The following CYP3A43 variants were observed in gnomAD, a reference collection of about 807,000 sequenced individuals.
CYP3A43 encodes cytochrome P450 3A43.
CYP3A43 carries 45 observed loss-of-function variants against 58.0 expected under a neutral mutation model. That is an observed-to-expected ratio of 0.78 (90% CI 0.61 to 0.99). The LOEUF (loss-of-function observed/expected upper bound fraction) is 0.99. Among genes scored for constraint, CYP3A43 ranks in the 50% least tolerant of loss-of-function variants. The pLI is 0.00. For synonymous variants in CYP3A43, 191 were observed against 201.4 expected, an observed-to-expected ratio of 0.95 and a Z score of 0.44; for missense variants, 593 against 591.9, an observed-to-expected ratio of 1.00 and a Z score of -0.02.
rs1000296903 is a variant in CYP3A43 at position 99,856,722 on chromosome 7, T to C, written c.799-111T>C. ...ACTCAGGCAACACCCATTACACTTC[T>C]GAACTTAAAGAGAGCATATTCTCAG... On this transcript the variant is annotated intron_variant, in intron 8 of 12. Coordinates refer to ENST00000354829, the MANE Select transcript of CYP3A43 (RefSeq NM_057095.3). The C allele has an allele frequency of 1.5e-5, 17 of 1,114,600 alleles. No individual in the cohort carries two copies. The South Asian group carries it at 2.0e-4, about 13-fold the overall frequency. The allele number at this position is 1,114,600 out of a possible 1,614,324, so 69.0% of individuals were successfully genotyped here.
At chr7:99,842,841 G>T (rs149968678) in intron 3 of CYP3A43, among the ~76,000 whole-genome samples, 1 of 152,170 alleles carries the variant, frequency 6.6e-6, no homozygotes, top group South Asian at 2.1e-4. Context: ...TCACAAGGAC[G>T]TTCCTTATGA....
intron 9 of CYP3A43, 45 bp downstream of exon 9, chr7:99,856,944 A>G: frequency 3.8e-6 from 6 of 1,580,324 alleles, no homozygotes; most frequent in Non-Finnish European, 5.2e-6. Context: ...GGACACTCAG[A>G]GAGAAGGCCC....
intron 1 of CYP3A43, among the ~76,000 whole-genome samples, chr7:99,830,175 T>TA (rs1313245309): frequency 6.6e-5 from 10 of 151,878 alleles, no homozygotes; most frequent in South Asian, 4.2e-4. Flanking sequence ...AAGATCCTCC[T>TA]AAAAAAAAGC....
At chr7:99,846,832 T>C (rs1181246713) in intron 4 of CYP3A43, among the ~76,000 whole-genome samples, 2 of 152,214 alleles carry the variant, frequency 1.3e-5, no homozygotes, top group Admixed American at 1.3e-4. Context: ...AAAATACAGT[T>C]TTGAAAGATG....
intron 1 of CYP3A43, among the ~76,000 whole-genome samples, chr7:99,832,664 C>T (rs956978514): frequency 1.3e-5 from 2 of 151,362 alleles, no homozygotes; most frequent in Admixed American, 6.6e-5. Flanking sequence ...ACGTTGTGCA[C>T]ATGTACCCTA....
chr7:99,837,504 G>T (rs1383127434), intron 2 of CYP3A43, among the ~76,000 whole-genome samples: 4 of 152,166 alleles, frequency 2.6e-5, no homozygotes, highest in African/African-American at 9.7e-5. Context: ...TTGAGAGGAA[G>T]AACAAGAAGG....
At chr7:99,829,520 G>A (rs1816756009) in intron 1 of CYP3A43, among the ~76,000 whole-genome samples, 1 of 152,172 alleles carries the variant, frequency 6.6e-6, no homozygotes, top group Admixed American at 6.5e-5. Flanking sequence ...CAGAGAAATT[G>A]CAACAACTTA....
At position 99,855,706 on chromosome 7, in the gene CYP3A43, A is replaced by G. The variant is rs1334045499; in HGVS notation, c.786A>G (p.Lys262=). The G allele has an allele frequency of 8.1e-6, 13 of 1,608,228 alleles. No individual in the cohort carries two copies. The highest frequency in any genetic ancestry group is 1.0e-5 in the Non-Finnish European group (12 of 1,177,766). The stretch of plus-strand genomic sequence containing the variant: ...AAAGGATGAAAGAAAGTCGCCTCAA[A>G]GATAAACAAAAGGTAAAATCTGGTG... The part of the protein sequence containing the change: ...SIERMKESRL[K]DKQKHRVDFF... Residue 262 remains lysine (K), a synonymous_variant, in exon 8 of 13, where the codon AAA becomes AAG. Coordinates refer to ENST00000354829, the MANE Select transcript of CYP3A43 (RefSeq NM_057095.3).
At chr7:99,858,769 T>C (rs1341281658) in intron 9 of CYP3A43, among the ~76,000 whole-genome samples, 1 of 151,864 alleles carries the variant, frequency 6.6e-6, no homozygotes, top group Admixed American at 6.6e-5. Flanking sequence ...CTTGGCTCAC[T>C]GCAACCTCTG....
intron 3 of CYP3A43, among the ~76,000 whole-genome samples, chr7:99,843,518 T>C (rs1482340407): frequency 6.6e-6 from 1 of 151,976 alleles, no homozygotes; most frequent in South Asian, 2.1e-4. Flanking sequence ...CAGGCTGGAG[T>C]GCAGTGATGC....
At chr7:99,836,662 A>G (rs1026859111) in intron 2 of CYP3A43, 116 bp downstream of exon 2, 36 of 713,870 alleles carry the variant, frequency 5.0e-5, no homozygotes, top group Middle Eastern at 2.4e-4. Flanking sequence ...ACTTTCAGAA[A>G]TGGTGTGTAT....
Position 99,828,157 on chromosome 7 carries a change from T to C in CYP3A43, c.42T>C (p.Leu14=), listed in dbSNP as rs562959556. The C allele has an allele frequency of 6.2e-7, 1 of 1,612,960 alleles. No homozygotes were observed. The highest frequency in any genetic ancestry group is 8.5e-7 in the Non-Finnish European group (1 of 1,179,296). Residue 14 remains leucine, a synonymous_variant, in exon 1 of 13, where the codon CTT becomes CTC. Coordinates refer to ENST00000354829, the MANE Select transcript of CYP3A43 (RefSeq NM_057095.3). ...IPNFAMETWV[L]VATSLVLLYI... ...ACTTTGCCATGGAAACATGGGTTCTTGTGGCTACCAGCCTGGTACTCCTCT... is the reference window on the plus strand; with the variant it reads ...ACTTTGCCATGGAAACATGGGTTCTCGTGGCTACCAGCCTGGTACTCCTCT...
chr7:99,839,819 G>C (rs1028903451), intron 3 of CYP3A43, among the ~76,000 whole-genome samples: 1 of 152,214 alleles, frequency 6.6e-6, no homozygotes, highest in Admixed American at 6.5e-5. Flanking sequence ...GGTTGGACCA[G>C]GTGTGTCATT....
In CYP3A43 at chr7:99,847,440, G is replaced by T. The variant is rs200006674; in HGVS notation, c.319-48G>T. The T allele has an allele frequency of 3.2e-4, 498 of 1,580,136 alleles. 3 individuals are homozygous for T. Among genetic ancestry groups the T allele is most frequent in the Admixed American group, 6.2e-4 (35 of 56,872 alleles). On this transcript the variant is annotated intron_variant, in intron 4 of 12. Transcript: ENST00000354829. ...TTAACACATTTTCTACAACTATGGA[G>T]ATCTCTAAAACTTACGTAGGACAAA... is the stretch of plus-strand genomic sequence containing the variant.
chr7:99,861,717 CAAGA>C lies in CYP3A43; in HGVS notation c.1136_1139del (p.Lys379IlefsTer13). ...TTGTTAGTAGAGTTACGAGAGTCTG[CAAGA>C]AAGATATTGAAATCAATGGAGTGTT... is the stretch of plus-strand genomic sequence containing the variant. On this transcript the variant is annotated frameshift_variant, in exon 11 of 13. Transcript: ENST00000354829. LOFTEE classifies it high-confidence loss of function. The C allele has an allele frequency of 6.2e-7, 1 of 1,614,136 alleles. No homozygotes were observed. Among genetic ancestry groups the C allele is most frequent in the Non-Finnish European group, 8.5e-7 (1 of 1,180,006 alleles).
chr7:99,861,721 A>G lies in CYP3A43; in HGVS notation c.1135A>G (p.Lys379Glu). 1.2e-6 allele frequency: 2 copies of G among 1,614,192 alleles called. No individual in the cohort carries two copies. Among genetic ancestry groups the G allele is most frequent in the Non-Finnish European group, 1.7e-6 (2 of 1,180,024 alleles). ...VVSRVTRVCK[K>E]DIEINGVFIP... is the part of the protein sequence containing the mutation. Reference sequence around the variant, plus strand: ...TAGTAGAGTTACGAGAGTCTGCAAGAAAGATATTGAAATCAATGGAGTGTT... The same window carrying G: ...TAGTAGAGTTACGAGAGTCTGCAAGGAAGATATTGAAATCAATGGAGTGTT... The change falls in exon 11 of 13, where the codon AAA (lysine) becomes GAA (glutamate). Residue 379 changes from lysine to glutamate, a missense_variant. Lys to Glu is a moderately conservative substitution (Grantham distance 56). Transcript: ENST00000354829.
At chr7:99,853,228 C>A (rs919055024) in intron 7 of CYP3A43, among the ~76,000 whole-genome samples, 1 of 152,024 alleles carries the variant, frequency 6.6e-6, no homozygotes, top group Non-Finnish European at 1.5e-5. Context: ...CTGGCCTGGC[C>A]TTTTCTTTGT....
At chr7:99,851,158 C>T (rs1011773309) in intron 7 of CYP3A43, among the ~76,000 whole-genome samples, 29 of 140,182 alleles carry the variant, frequency 2.1e-4, no homozygotes, top group African/African-American at 7.9e-4. Flanking sequence ...AGCAAGACCC[C>T]GTCTAAAAAA....
chr7:99,839,003 A>AAATGGTAGCAAGCCT, intron 2 of CYP3A43, 117 bp from the exon 3 acceptor site: 1 of 1,198,826 alleles, frequency 8.3e-7, no homozygotes, highest in Non-Finnish European at 1.2e-6. Context: ...AACTGCCAGT[A>AAATGGTAGCAAGCCT]AATGGTAGCA....
Sources: gnomAD v4.1 joint callset for allele counts (sites outside exome capture counted in the v4.1 genomes callset) on GRCh38, gnomAD v4.1.1 for gene constraint, MANE v1.5 for transcripts, NCBI Gene and HGNC (gene_info 2026-07-23, HGNC 2026-07-21) for gene names.